The following KCNK9 variants were observed in gnomAD, a reference collection of about 807,000 sequenced individuals.
KCNK9 encodes potassium channel subfamily K member 9.
In KCNK9, 1 loss-of-function variant was observed where a neutral mutation model predicts 10.8. The observed-to-expected ratio is 0.09, with a 90% confidence interval of 0.03 to 0.44. The LOEUF (loss-of-function observed/expected upper bound fraction) is 0.44, where lower values mean the gene tolerates loss of function less well. KCNK9 is among the 20% of genes least tolerant of loss of function. The pLI, the probability that KCNK9 is intolerant of heterozygous loss-of-function variation, is 0.97. For missense variants in KCNK9, 303 were observed against 515.0 expected (o/e 0.59, Z 3.98); for synonymous variants, 231 against 222.7 (o/e 1.04, Z -0.33).
At chr8:139,636,553 G>T (rs1815346688) in intron 1 of KCNK9, among the ~76,000 whole-genome samples, 2 of 152,148 alleles carry the variant, frequency 1.3e-5, no homozygotes, top group Non-Finnish European at 2.9e-5. Flanking sequence ...GCTTTCTGAG[G>T]TCACAAAACT....
At chr8:139,602,558 C>T (rs1262245789) in intron 2 of KCNK9, among the ~76,000 whole-genome samples, 3 of 152,138 alleles carry the variant, frequency 2.0e-5, no homozygotes, top group Admixed American at 6.5e-5. Flanking sequence ...GAACTTAGCA[C>T]GCAATGCCTA....
chr8:139,638,985 G>A lies in KCNK9; in HGVS notation c.284-19886C>T, dbSNP rs529147163. On this transcript the variant is annotated intron_variant, in intron 1 of 1. Coordinates refer to ENST00000520439, the MANE Select transcript of KCNK9 (RefSeq NM_001282534.2). ...CAGCCTCCAACTGATCCCCATTCTC[G>A]TGCCTTTTTCCTACCCATGTCCCTC... Among the ~76,000 whole-genome samples the A allele has an allele frequency of 2.7e-4, 41 of 152,112 alleles. 1 individual carries two copies. The highest frequency in any genetic ancestry group is 1.6e-3 in the Admixed American group (25 of 15,284).
intron 1 of KCNK9, among the ~76,000 whole-genome samples, chr8:139,691,035 C>G (rs1355571850): frequency 6.6e-6 from 1 of 152,218 alleles, no homozygotes; most frequent in African/African-American, 2.4e-5. Flanking sequence ...ACTGCCTGAC[C>G]CACACCCATG....
chr8:139,652,813 G>T (rs1373419861), intron 1 of KCNK9, among the ~76,000 whole-genome samples: 1 of 152,184 alleles, frequency 6.6e-6, no homozygotes, highest in Non-Finnish European at 1.5e-5. Context: ...CACACTCTGG[G>T]TGCTCCTAGG....
At chr8:139,647,658 G>A (rs569297566) in intron 1 of KCNK9, among the ~76,000 whole-genome samples, 35 of 152,298 alleles carry the variant, frequency 2.3e-4, no homozygotes, top group Admixed American at 1.8e-3. Flanking sequence ...AGGAGGTGGC[G>A]GTGATGGCAG....
intron 1 of KCNK9, among the ~76,000 whole-genome samples, chr8:139,664,518 GC>G (rs993860867): frequency 6.6e-6 from 1 of 151,640 alleles, no homozygotes; most frequent in Non-Finnish European, 1.5e-5. Flanking sequence ...CCAAACTCAA[GC>G]CCCCCAACAA....
chr8:139,689,704 G>A (rs551736626), intron 1 of KCNK9, among the ~76,000 whole-genome samples: 26 of 149,266 alleles, frequency 1.7e-4, no homozygotes, highest in South Asian at 6.3e-4. Context: ...GCGCAGTGGC[G>A]TGATCTCGAC....
chr8:139,688,296 C>A (rs1816863847), intron 1 of KCNK9, among the ~76,000 whole-genome samples: 1 of 152,104 alleles, frequency 6.6e-6, no homozygotes, highest in South Asian at 2.1e-4. Flanking sequence ...AAAGAAATAC[C>A]CGAGACAGGG....
At chr8:139,616,978 A>T (rs1195989494), downstream of KCNK9, 1 of 152,128 alleles carries the variant, frequency 6.6e-6, no homozygotes, top group Non-Finnish European at 1.5e-5. Context: ...GTAGGGAGGA[A>T]TTTCTACACT....
chr8:139,649,398 A>C (rs1019831045), intron 1 of KCNK9, among the ~76,000 whole-genome samples: 1 of 152,202 alleles, frequency 6.6e-6, no homozygotes, highest in Non-Finnish European at 1.5e-5. Flanking sequence ...CTGAGGGTGT[A>C]GAATGAGGAA....
rs562248782 is a variant in KCNK9, at chr8:139,670,223, G to A, written c.283+32487C>T. On this transcript the variant is annotated intron_variant, in intron 1 of 1. Transcript: ENST00000520439. The stretch of plus-strand genomic sequence containing the variant: ...CTCTTGTACAGATGTGGTTCCTGGT[G>A]CCCCCAGACAATTACAATAGTAACG... Among the ~76,000 whole-genome samples the A allele has an allele frequency of 4.6e-5, 7 of 152,214 alleles. No individual in the cohort carries two copies. In the South Asian group the frequency reaches 1.2e-3, roughly 27 times the overall value.
intron 1 of KCNK9, among the ~76,000 whole-genome samples, chr8:139,691,322 C>G (rs1297799403): frequency 6.6e-6 from 1 of 152,350 alleles, no homozygotes; most frequent in East Asian, 1.9e-4. Context: ...TGAGCTTGTC[C>G]CAGCTGCCTT....
At chr8:139,616,722 T>C (rs987507615), downstream of KCNK9, 1 of 152,208 alleles carries the variant, frequency 6.6e-6, no homozygotes, top group Non-Finnish European at 1.5e-5. Flanking sequence ...TCCATTTCCA[T>C]GCAAGAGCCA....
chr8:139,697,637 C>T lies in KCNK9; in HGVS notation c.283+5073G>A, dbSNP rs148977262. 9.2e-5 allele frequency among the ~76,000 whole-genome samples: 14 copies of T among 152,138 alleles called. No homozygotes were observed. The East Asian group carries it at 2.7e-3, about 29-fold the overall frequency. On this transcript the variant is annotated intron_variant, in intron 1 of 1. Coordinates refer to ENST00000520439, the MANE Select transcript of KCNK9 (RefSeq NM_001282534.2). ...CTACTGCTCTGACCTCATTAGACTCCACTGATGAAAGTGACCCAGGAAAGA... is the reference window on the plus strand; with the variant it reads ...CTACTGCTCTGACCTCATTAGACTCTACTGATGAAAGTGACCCAGGAAAGA...
At chr8:139,700,202 C>T (rs572514863) in intron 1 of KCNK9, among the ~76,000 whole-genome samples, 2 of 152,206 alleles carry the variant, frequency 1.3e-5, no homozygotes, top group African/African-American at 4.8e-5. Flanking sequence ...CGTCCAAGAG[C>T]GTGGATTCCG....
chr8:139,671,128 A>C (rs1216649668), intron 1 of KCNK9, among the ~76,000 whole-genome samples: 1 of 152,234 alleles, frequency 6.6e-6, no homozygotes, highest in Admixed American at 6.5e-5. Flanking sequence ...CCACAATAGC[A>C]ACCACAGGTC....
chr8:139,665,481 T>A (rs1303272623), intron 1 of KCNK9, among the ~76,000 whole-genome samples: 1 of 152,222 alleles, frequency 6.6e-6, no homozygotes, highest in Non-Finnish European at 1.5e-5. Flanking sequence ...CTGAACTCCA[T>A]CTGCAACCTT....
At chr8:139,684,078 G>T (rs1276702069) in intron 1 of KCNK9, among the ~76,000 whole-genome samples, 1 of 152,172 alleles carries the variant, frequency 6.6e-6, no homozygotes, top group South Asian at 2.1e-4. Context: ...CCAGGTCCCA[G>T]GTGGTCCTGG....
chr8:139,692,620 C>A (rs1429235310), intron 1 of KCNK9, among the ~76,000 whole-genome samples: 4 of 152,194 alleles, frequency 2.6e-5, no homozygotes, highest in African/African-American at 9.7e-5. Flanking sequence ...CAAAGAAGTT[C>A]TCTCTGGGAA....
Sources: allele counts gnomAD v4.1 joint callset (sites outside exome capture counted in the v4.1 genomes callset), GRCh38; gene constraint gnomAD v4.1.1; transcripts MANE v1.5; gene names NCBI Gene and HGNC (gene_info 2026-07-23, HGNC 2026-07-21).